Variants in GALNTL6 observed in about 807,000 individuals in gnomAD.
The protein encoded by GALNTL6 is polypeptide N-acetylgalactosaminyltransferase like 6.
Under a neutral mutation model 73.7 loss-of-function variants are expected in GALNTL6, and 46 were observed. The ratio of observed to expected loss-of-function variants is 0.62; its 90% CI spans 0.49 to 0.80. The LOEUF is 0.80. GALNTL6 is among the 30% of genes least tolerant of loss of function. GALNTL6 has a pLI of 0.00. For synonymous variants in GALNTL6, 259 were observed against 263.7 expected, an observed-to-expected ratio of 0.98 and a Z score of 0.17; for missense variants, 604 against 755.0, an observed-to-expected ratio of 0.80 and a Z score of 2.34.
At chr4:172,813,899 A>G (rs908548145) in intron 7 of GALNTL6, among the ~76,000 whole-genome samples, 176 bp downstream of exon 7, 27 of 152,240 alleles carry the variant, frequency 1.8e-4, no homozygotes, top group African/African-American at 6.5e-4. Context: ...TACAAGCTGT[A>G]TCGAATTCAT....
At chr4:173,030,440 C>G (rs1469079626) in intron 12 of GALNTL6, among the ~76,000 whole-genome samples, 1 of 152,072 alleles carries the variant, frequency 6.6e-6, no homozygotes, top group Non-Finnish European at 1.5e-5. Context: ...CTGATCACTC[C>G]GAAATAGAAA....
intron 2 of GALNTL6, chr4:171,816,483 T>A (rs1734527467): frequency 6.6e-6 from 1 of 151,990 alleles, no homozygotes; most frequent in South Asian, 2.1e-4. Context: ...GTAATGGGTA[T>A]AAAAGACATG....
chr4:172,334,951 C>G (rs1741258488), intron 4 of GALNTL6, among the ~76,000 whole-genome samples: 1 of 149,586 alleles, frequency 6.7e-6, no homozygotes, highest in Non-Finnish European at 1.5e-5. Context: ...TTATCAAAAC[C>G]TTTTTCTTTG....
At chr4:171,963,021 C>T (rs1407869781) in intron 2 of GALNTL6, among the ~76,000 whole-genome samples, 1 of 151,244 alleles carries the variant, frequency 6.6e-6, no homozygotes, top group Admixed American at 6.6e-5. Flanking sequence ...CCACCTTGGC[C>T]TCCCAAAGTG....
chr4:172,314,231 T>A, intron 4 of GALNTL6, among the ~76,000 whole-genome samples: 1 of 152,218 alleles, frequency 6.6e-6, no homozygotes, highest in Admixed American at 6.5e-5. Context: ...AAACTTTGTG[T>A]GACTTTTAAA....
At chr4:171,976,364 T>A (rs1435463587) in intron 2 of GALNTL6, among the ~76,000 whole-genome samples, 1 of 152,216 alleles carries the variant, frequency 6.6e-6, no homozygotes, top group East Asian at 1.9e-4. Flanking sequence ...ATTTTATAAA[T>A]CAATGTTTTC....
chr4:172,942,459 C>T (rs759025199), intron 9 of GALNTL6, among the ~76,000 whole-genome samples: 1 of 152,074 alleles, frequency 6.6e-6, no homozygotes, highest in African/African-American at 2.4e-5. Context: ...TTAAAAATAT[C>T]AAATGGATTA....
intron 5 of GALNTL6, among the ~76,000 whole-genome samples, chr4:172,572,748 AC>A (rs1208264079): frequency 1.3e-5 from 2 of 152,054 alleles, no homozygotes; most frequent in Non-Finnish European, 2.9e-5. Context: ...CATCTGAAAA[AC>A]ATATATGTGT....
chr4:171,982,626 C>T (rs1457395523), intron 2 of GALNTL6, among the ~76,000 whole-genome samples: 2 of 152,118 alleles, frequency 1.3e-5, no homozygotes, highest in African/African-American at 2.4e-5. Flanking sequence ...TTCTTCCAGA[C>T]GAGCTTGTTG....
intron 3 of GALNTL6, among the ~76,000 whole-genome samples, chr4:172,280,233 A>G (rs188878655): frequency 1.1e-4 from 16 of 152,326 alleles, no homozygotes; most frequent in Non-Finnish European, 2.4e-4. Flanking sequence ...TTTACAGTAT[A>G]TGTATTTTAC....
rs146950638 is a variant in GALNTL6 at position 172,486,208 on chromosome 4, T to A, written c.553+137519T>A. Among the ~76,000 whole-genome samples the A allele has an allele frequency of 2.8e-4, 43 of 152,214 alleles. No homozygotes were observed. In the East Asian group the frequency reaches 7.9e-3, roughly 28 times the overall value. On this transcript the variant is annotated intron_variant, in intron 5 of 12. Coordinates refer to ENST00000506823, the MANE Select transcript of GALNTL6 (RefSeq NM_001034845.3). ...AAGGCTCCCAGCAACAAGGGAAAAA[T>A]TAGCTAATATATAGAATCATTTTGT...
chr4:172,832,039 A>G (rs111669511), intron 7 of GALNTL6, among the ~76,000 whole-genome samples: 2,686 of 152,280 alleles, frequency 0.018, 71 homozygotes, highest in African/African-American at 0.058. Flanking sequence ...CTTGAGCCTC[A>G]TATTTTCCTC....
At chr4:172,410,153 C>T (rs1038917584) in intron 5 of GALNTL6, among the ~76,000 whole-genome samples, 7 of 151,732 alleles carry the variant, frequency 4.6e-5, no homozygotes, top group African/African-American at 1.7e-4. Context: ...ATAGCAATAT[C>T]CTGGTATTTT....
chr4:171,950,241 T>C (rs1043142005), intron 2 of GALNTL6, among the ~76,000 whole-genome samples: 2 of 152,030 alleles, frequency 1.3e-5, no homozygotes, highest in African/African-American at 4.8e-5. Context: ...GGCATTTTAA[T>C]AACAGATCAA....
chr4:172,849,839 A>G (rs539290827), intron 7 of GALNTL6, among the ~76,000 whole-genome samples: 2 of 152,302 alleles, frequency 1.3e-5, no homozygotes, highest in South Asian at 4.1e-4. Flanking sequence ...TAAGAAAAAC[A>G]GGTTAGGTAC....
chr4:172,228,529 A>G (rs1736945065), intron 2 of GALNTL6, among the ~76,000 whole-genome samples: 2 of 152,172 alleles, frequency 1.3e-5, no homozygotes, highest in Non-Finnish European at 2.9e-5. Context: ...TTTCAAAAGC[A>G]TAATGGCTGT....
At chr4:172,122,163 G>A (rs1371163628) in intron 2 of GALNTL6, among the ~76,000 whole-genome samples, 1 of 151,450 alleles carries the variant, frequency 6.6e-6, no homozygotes, top group Admixed American at 6.6e-5. Flanking sequence ...AGCAATGGCT[G>A]TATGAGAAAT....
At position 172,578,462 on chromosome 4, in the gene GALNTL6, A is replaced by C. The variant is rs141152056; in HGVS notation, c.553+229773A>C. Among the ~76,000 whole-genome samples, 2 of 152,246 alleles carry C rather than the reference A, an allele frequency of 1.3e-5. 1 individual carries two copies. Among genetic ancestry groups the C allele is most frequent in the African/African-American group, 4.8e-5 (2 of 41,470 alleles). ...TCTTTGTTAATTACTGGTAATTGAT[A>C]TGATTAGCAAAGACACAAAACTGAA... On this transcript the variant is annotated intron_variant, in intron 5 of 12. Transcript: ENST00000506823.
chr4:172,364,557 C>T (rs1281308623), intron 5 of GALNTL6, among the ~76,000 whole-genome samples: 7 of 152,152 alleles, frequency 4.6e-5, no homozygotes, highest in Non-Finnish European at 1.0e-4. Context: ...ATTTTGAATT[C>T]TAAGAGCATG....
Sources: gnomAD v4.1 joint callset for allele counts (sites outside exome capture counted in the v4.1 genomes callset) on GRCh38, gnomAD v4.1.1 for gene constraint, MANE v1.5 for transcripts, NCBI Gene and HGNC (gene_info 2026-07-23, HGNC 2026-07-21) for gene names.